GPR155: variants seen among roughly 807,000 people sequenced by gnomAD.
The protein encoded by GPR155 is G protein-coupled receptor 155, also known as lysosomal cholesterol signaling protein.
In GPR155, 65 loss-of-function variants were observed where a neutral mutation model predicts 93.1. The observed-to-expected ratio is 0.70, with a 90% CI of 0.57 to 0.86. The LOEUF (loss-of-function observed/expected upper bound fraction) is 0.86. Among genes scored for constraint, GPR155 ranks in the 40% least tolerant of loss-of-function variants. The pLI, the probability that GPR155 is intolerant of heterozygous loss-of-function variation, is 0.00. For missense variants in GPR155, 838 were observed against 1,034.8 expected (o/e 0.81, Z 2.61); for synonymous variants, 319 against 360.1 (o/e 0.89, Z 1.29).
chr2:174,483,650 T>C (rs1182829433), intron 1 of GPR155, among the ~76,000 whole-genome samples: 1 of 152,140 alleles, frequency 6.6e-6, no homozygotes, highest in Non-Finnish European at 1.5e-5. Context: ...AATGGCGTGA[T>C]TGCGGCTCAC....
chr2:174,460,045 G>T lies in GPR155; in HGVS notation c.1604C>A (p.Ala535Asp), dbSNP rs1409780489. Residue 535 changes from alanine (A) to aspartate (D), a missense_variant, in exon 10 of 16, where the codon GCT becomes GAT. Ala to Asp is a moderately radical substitution (Grantham distance 126). Around this residue, in one of 3 missense-constraint regions of GPR155, gnomAD observed 663 missense variants for 790.1 expected, o/e 0.84. Coordinates refer to ENST00000392552, the MANE Select transcript of GPR155 (RefSeq NM_152529.7). ...GTTCATGCACATGAGGGATATGCCA[G>T]CTATCAGGATGCTGCAGAACAGGGT... ...AVTLFCSILI[A>D]GISLMCMNQT... 1 of 1,613,572 alleles carries T rather than the reference G, an allele frequency of 6.2e-7. No homozygotes were observed. Among genetic ancestry groups the T allele is most frequent in the Non-Finnish European group, 8.5e-7 (1 of 1,179,948 alleles).
intron 13 of GPR155, among the ~76,000 whole-genome samples, chr2:174,444,419 A>AG (rs1038827287): frequency 6.6e-6 from 1 of 151,848 alleles, no homozygotes; most frequent in African/African-American, 2.4e-5. Context: ...CCGTCTCAAA[A>AG]AAAAAAAAAA....
chr2:174,470,676 C>A, intron 3 of GPR155, 121 bp from the exon 4 acceptor site: 1 of 728,650 alleles, frequency 1.4e-6, no homozygotes, highest in Non-Finnish European at 2.2e-6. Flanking sequence ...TATTTGCATG[C>A]ACATATTCTG....
At chr2:174,475,158 A>G (rs931124590) in intron 2 of GPR155, among the ~76,000 whole-genome samples, 3 of 149,448 alleles carry the variant, frequency 2.0e-5, no homozygotes, top group African/African-American at 7.3e-5. Flanking sequence ...AGCCGGGCGT[A>G]GTGGCGGGCG....
intron 1 of GPR155, among the ~76,000 whole-genome samples, chr2:174,482,235 AT>A (rs1350595491): frequency 6.6e-6 from 1 of 152,240 alleles, no homozygotes; most frequent in Non-Finnish European, 1.5e-5. Context: ...CAAAATATTT[AT>A]GTTGCTAAGT....
At chr2:174,441,316 C>T (rs1424556828) in intron 14 of GPR155, among the ~76,000 whole-genome samples, 1 of 151,720 alleles carries the variant, frequency 6.6e-6, no homozygotes, top group Admixed American at 6.6e-5. Flanking sequence ...ATAATTTAGG[C>T]ATTAAAAATA....
intron 3 of GPR155, among the ~76,000 whole-genome samples, chr2:174,472,316 G>C (rs2105727187): frequency 6.6e-6 from 1 of 152,286 alleles, no homozygotes; most frequent in Non-Finnish European, 1.5e-5. Context: ...TGAGGCAGGA[G>C]AATAGCTTGA....
chr2:174,453,296 G>A (rs1053049199), intron 11 of GPR155, among the ~76,000 whole-genome samples: 1 of 152,134 alleles, frequency 6.6e-6, no homozygotes, highest in South Asian at 2.1e-4. Flanking sequence ...GCTCTTAATT[G>A]AGGATCTATA....
At chr2:174,448,569 C>T (rs1240979928) in intron 11 of GPR155, among the ~76,000 whole-genome samples, 2 of 129,642 alleles carry the variant, frequency 1.5e-5, no homozygotes, top group Admixed American at 9.5e-5. Context: ...CTCGCTCTGT[C>T]GCCCAGGCCG....
chr2:174,453,947 C>T, intron 10 of GPR155, 106 bp from the exon 11 acceptor site: 1 of 727,492 alleles, frequency 1.4e-6, no homozygotes, highest in Non-Finnish European at 2.5e-6. Context: ...ACACACACTT[C>T]CCATGTAGCC....
chr2:174,473,492 A>G, intron 2 of GPR155, 128 bp from the exon 3 acceptor site: 1 of 601,220 alleles, frequency 1.7e-6, no homozygotes, highest in Admixed American at 3.5e-5. Context: ...CAAATAGCCT[A>G]TTTTGGAAAA....
intron 15 of GPR155, among the ~76,000 whole-genome samples, chr2:174,436,963 C>T (rs1686804713): frequency 6.6e-6 from 1 of 152,142 alleles, no homozygotes; most frequent in East Asian, 1.9e-4. Context: ...CAAGACAATC[C>T]TACTGATATG....
intron 3 of GPR155, among the ~76,000 whole-genome samples, chr2:174,471,053 G>A (rs982373200): frequency 6.6e-6 from 1 of 151,044 alleles, no homozygotes; most frequent in African/African-American, 2.4e-5. Flanking sequence ...ATCATGATTA[G>A]GGGTTGAAAT....
intron 15 of GPR155, 98 bp downstream of exon 15, chr2:174,439,800 C>T: frequency 1.1e-6 from 1 of 918,234 alleles, no homozygotes; most frequent in Non-Finnish European, 1.7e-6. Flanking sequence ...ATCATGTAAT[C>T]AGTCACAACC....
At chr2:174,456,514 G>A (rs887028276) in intron 10 of GPR155, among the ~76,000 whole-genome samples, 6 of 151,948 alleles carry the variant, frequency 3.9e-5, no homozygotes, top group Non-Finnish European at 8.8e-5. Flanking sequence ...TGTTGCCCAG[G>A]CTGGTCTCCA....
At chr2:174,464,944 T>G (rs1687797296) in intron 7 of GPR155, among the ~76,000 whole-genome samples, 1 of 152,152 alleles carries the variant, frequency 6.6e-6, no homozygotes, top group South Asian at 2.1e-4. Context: ...TTGTGGACAC[T>G]TCCTGACACC....
In GPR155 at chr2:174,450,113, G is replaced by A. The variant is rs1222630130; in HGVS notation, c.1877-3366C>T. ...GTGAGCTGTGCACTCCAGCCTGGGTGGCAGAACCAGATCCTGTCTTGAAAA... is the reference window on the plus strand; with the variant it reads ...GTGAGCTGTGCACTCCAGCCTGGGTAGCAGAACCAGATCCTGTCTTGAAAA... On this transcript the variant is annotated intron_variant, in intron 11 of 15. Transcript: ENST00000392552. Among the ~76,000 whole-genome samples the A allele has an allele frequency of 4.0e-5, 6 of 151,162 alleles. No homozygotes were observed. The Admixed American group carries it at 4.0e-4, about 10-fold the overall frequency.
chr2:174,464,208 G>A (rs141395447), intron 7 of GPR155, among the ~76,000 whole-genome samples: 34 of 152,222 alleles, frequency 2.2e-4, no homozygotes, highest in African/African-American at 7.9e-4. Context: ...TTAGACCAGT[G>A]TTTCCTAAGG....
intron 4 of GPR155, among the ~76,000 whole-genome samples, chr2:174,470,144 A>G (rs1023664447): frequency 6.6e-6 from 1 of 152,140 alleles, no homozygotes; most frequent in African/African-American, 2.4e-5. Flanking sequence ...CTCATAAAAA[A>G]CAACATTGCT....
Sources: gnomAD v4.1 joint callset for allele counts (sites outside exome capture counted in the v4.1 genomes callset) on GRCh38, gnomAD v4.1.1 for gene constraint, gnomAD v4.1.1 regional missense constraint, MANE v1.5 for transcripts, NCBI Gene and HGNC (gene_info 2026-07-23, HGNC 2026-07-21) for gene names.